The following KBTBD12 variants were observed in gnomAD, a reference collection of about 807,000 sequenced individuals.
The protein encoded by KBTBD12 is kelch repeat and BTB domain containing 12.
In KBTBD12, 53 loss-of-function variants were observed where a neutral mutation model predicts 58.7. The observed-to-expected ratio is 0.90, with a 90% CI of 0.72 to 1.14. The LOEUF is 1.14. Among genes scored for constraint, KBTBD12 ranks in the 50% most tolerant of loss-of-function variants. The pLI is 0.00. For synonymous variants in KBTBD12, 236 were observed against 259.8 expected (o/e 0.91, Z 0.88); for missense variants, 704 against 751.3 (o/e 0.94, Z 0.74).
intron 5 of KBTBD12, among the ~76,000 whole-genome samples, chr3:127,969,312 A>T (rs1320104116): frequency 6.6e-6 from 1 of 152,174 alleles, no homozygotes; most frequent in Non-Finnish European, 1.5e-5. Context: ...TTAAGAAAAC[A>T]ATTCTATTTA....
intron 5 of KBTBD12, among the ~76,000 whole-genome samples, chr3:127,965,587 T>G (rs1357177995): frequency 6.6e-6 from 1 of 152,244 alleles, no homozygotes; most frequent in Non-Finnish European, 1.5e-5. Flanking sequence ...TAATCTCTTT[T>G]AATATACTTA....
Position 127,927,933 on chromosome 3 carries a change from G to T in KBTBD12, c.1240G>T (p.Asp414Tyr), listed in dbSNP as rs535101371. 1 of 1,613,432 alleles carries T rather than the reference G, an allele frequency of 6.2e-7. No individual in the cohort carries two copies. Among genetic ancestry groups the T allele is most frequent in the East Asian group, 2.2e-5 (1 of 44,858 alleles). The change falls in exon 3 of 6, where the codon GAC becomes TAC. Residue 414 changes from aspartate to tyrosine, a missense_variant. Transcript: ENST00000405109. ...NCVDKYSVER[D>Y]NWKRVSPLPL... is the part of the protein sequence containing the mutation. ...TGTTGATAAGTACTCTGTAGAACGG[G>T]ACAATTGGAAAAGGGTGTCTCCCCT...
At chr3:127,944,381 G>C (rs893618766) in intron 4 of KBTBD12, among the ~76,000 whole-genome samples, 3 of 151,958 alleles carry the variant, frequency 2.0e-5, no homozygotes, top group African/African-American at 7.3e-5. Flanking sequence ...AAAGTGTTCA[G>C]TGCAGAGATT....
At chr3:127,922,458 A>C (rs1257124026) in intron 1 of KBTBD12, among the ~76,000 whole-genome samples, 1 of 151,948 alleles carries the variant, frequency 6.6e-6, no homozygotes, top group Non-Finnish European at 1.5e-5. Context: ...ACCTTTTTTC[A>C]GTTTTTCCTC....
intron 4 of KBTBD12, among the ~76,000 whole-genome samples, chr3:127,934,802 T>C (rs1325936948): frequency 6.6e-6 from 1 of 152,216 alleles, no homozygotes; most frequent in Non-Finnish European, 1.5e-5. Flanking sequence ...TCAAGAATTC[T>C]GTATCCAGGA....
intron 1 of KBTBD12, among the ~76,000 whole-genome samples, chr3:127,919,000 G>A (rs16838978): frequency 0.19 from 29,434 of 152,008 alleles, 3,093 homozygotes; most frequent in South Asian, 0.36. Context: ...GTGAAACTGG[G>A]ACATCATTTT....
intron 4 of KBTBD12, among the ~76,000 whole-genome samples, chr3:127,938,081 G>A (rs571260940): frequency 6.6e-6 from 1 of 152,200 alleles, no homozygotes; most frequent in African/African-American, 2.4e-5. Flanking sequence ...TGTGATCCCA[G>A]ATTGAAGATC....
intron 4 of KBTBD12, among the ~76,000 whole-genome samples, chr3:127,960,755 G>A (rs1369519229): frequency 1.3e-5 from 2 of 152,234 alleles, no homozygotes; most frequent in African/African-American, 4.8e-5. Context: ...GACAGAGCAC[G>A]CTGTAAGCTC....
intron 4 of KBTBD12, among the ~76,000 whole-genome samples, chr3:127,962,675 C>T (rs747068651): frequency 7.9e-5 from 12 of 152,152 alleles, no homozygotes; most frequent in Admixed American, 3.3e-4. Context: ...GGGTTTAGGG[C>T]CTTTCCTGAA....
At chr3:127,976,942 A>G (rs1204994866) in intron 5 of KBTBD12, among the ~76,000 whole-genome samples, 1 of 152,164 alleles carries the variant, frequency 6.6e-6, no homozygotes, top group Non-Finnish European at 1.5e-5. Context: ...TTTGGTGTAC[A>G]GATTATTTCA....
rs771289515 is a variant in KBTBD12, at chr3:127,923,313, G to A, written c.252G>A (p.Val84=). The change falls in exon 2 of 6, where the codon GTG becomes GTA. Residue 84 remains valine (V), a synonymous_variant. Coordinates refer to ENST00000405109, the MANE Select transcript of KBTBD12 (RefSeq NM_207335.4). ...ACATCACAGCAGAAAGTGTGTCGGT[G>A]TTATTAAATTACATGTACAATGCAG... is the stretch of plus-strand genomic sequence containing the variant. The part of the protein sequence containing the change: ...LYDITAESVS[V]LLNYMYNAAL... The A allele has an allele frequency of 1.7e-5, 28 of 1,613,700 alleles. 1 individual carries two copies. In the South Asian group the frequency reaches 3.1e-4, roughly 18 times the overall value.
chr3:127,952,890 A>C (rs899791733), intron 4 of KBTBD12, among the ~76,000 whole-genome samples: 1 of 152,216 alleles, frequency 6.6e-6, no homozygotes. Flanking sequence ...AGTAAATCTC[A>C]TGTGTACAAA....
At chr3:127,982,367 C>T (rs1274607833) in intron 5 of KBTBD12, among the ~76,000 whole-genome samples, 1 of 152,180 alleles carries the variant, frequency 6.6e-6, no homozygotes, top group Non-Finnish European at 1.5e-5. Flanking sequence ...CAGAGCCACA[C>T]CTCCTCTGTC....
chr3:127,943,957 A>G (rs530596224), intron 4 of KBTBD12, among the ~76,000 whole-genome samples: 1 of 152,198 alleles, frequency 6.6e-6, no homozygotes, highest in East Asian at 1.9e-4. Context: ...TCACCATTGT[A>G]TATTCTTGGC....
Position 127,984,161 on chromosome 3 carries a change from T to G in KBTBD12, c.1755T>G (p.Val585=), listed in dbSNP as rs762078295. 1 of 1,613,920 alleles carries G rather than the reference T, an allele frequency of 6.2e-7. No individual in the cohort carries two copies. The highest frequency in any genetic ancestry group is 1.1e-5 in the South Asian group (1 of 91,076). The change falls in exon 6 of 6, where the codon GTT becomes GTG. Residue 585 remains valine (V), a synonymous_variant. Transcript: ENST00000405109. ...ELDPWENQWN[V]VAINVLMHDS... is the part of the protein sequence containing the mutation. ...ACCCATGGGAAAACCAGTGGAATGT[T>G]GTAGCCATCAACGTCCTCATGCATG...
chr3:127,942,727 G>A (rs1244715395), intron 4 of KBTBD12, among the ~76,000 whole-genome samples: 1 of 146,860 alleles, frequency 6.8e-6, no homozygotes, highest in Non-Finnish European at 1.5e-5. Context: ...TATAACTATA[G>A]TCCATCTTGT....
At chr3:127,977,033 C>T (rs564425132) in intron 5 of KBTBD12, among the ~76,000 whole-genome samples, 104 of 152,250 alleles carry the variant, frequency 6.8e-4, no homozygotes, top group African/African-American at 2.4e-3. Flanking sequence ...CTGTTGTTCC[C>T]TTCTTTGTGT....
intron 1 of KBTBD12, among the ~76,000 whole-genome samples, chr3:127,922,649 G>C (rs1010196434): frequency 8.5e-5 from 13 of 152,078 alleles, no homozygotes; most frequent in Admixed American, 2.6e-4. Context: ...TTGGTAACTG[G>C]AAATGGAATT....
In KBTBD12 at chr3:127,986,448, G is replaced by A. The variant is rs375990861; in HGVS notation, c.*2170G>A. On this transcript the variant is annotated 3_prime_UTR_variant, in exon 6 of 6. Transcript: ENST00000405109. Reference sequence around the variant, plus strand: ...AAAACAGACTCAGTGCTTTAGGGAAGTGGGGCAGATGTGCATATGGCTTGT... The same window carrying A: ...AAAACAGACTCAGTGCTTTAGGGAAATGGGGCAGATGTGCATATGGCTTGT... 1.1e-4 allele frequency: 16 copies of A among 152,106 alleles called. No homozygotes were observed. Among genetic ancestry groups the A allele is most frequent in the African/African-American group, 3.9e-4 (16 of 41,418 alleles). The allele number at this position is 152,106 out of a possible 1,614,324, so 9.4% of individuals were successfully genotyped here.
Sources: allele counts gnomAD v4.1 joint callset (sites outside exome capture counted in the v4.1 genomes callset), GRCh38; gene constraint gnomAD v4.1.1; transcripts MANE v1.5; gene names NCBI Gene and HGNC (gene_info 2026-07-23, HGNC 2026-07-21).